Variants in ZNF804A observed in about 807,000 individuals in gnomAD.
The protein encoded by ZNF804A is zinc finger protein 804A.
In ZNF804A, 2 loss-of-function variants were observed where a neutral mutation model predicts 16.5. The ratio of observed to expected loss-of-function variants is 0.12; its 90% CI spans 0.05 to 0.38. The LOEUF is 0.38. Among genes scored for constraint, ZNF804A ranks in the 10% least tolerant of loss-of-function variants. The pLI is 0.99. For synonymous variants in ZNF804A, 534 were observed against 489.6 expected (o/e 1.09, Z -1.20); for missense variants, 1,473 against 1,390.7 (o/e 1.06, Z -0.94).
intron 2 of ZNF804A, among the ~76,000 whole-genome samples, chr2:184,871,794 A>T (rs930724142): frequency 6.6e-6 from 1 of 152,056 alleles, no homozygotes; most frequent in Non-Finnish European, 1.5e-5. Flanking sequence ...AGTTTAGTTT[A>T]CTAGGAGAAT....
intron 1 of ZNF804A, among the ~76,000 whole-genome samples, chr2:184,798,657 C>T (rs1253254204): frequency 1.3e-5 from 2 of 152,118 alleles, no homozygotes; most frequent in Non-Finnish European, 1.5e-5. Flanking sequence ...TTTTGGTTTT[C>T]CTTGCATTGG....
intron 1 of ZNF804A, among the ~76,000 whole-genome samples, chr2:184,645,217 G>A (rs886939516): frequency 1.3e-5 from 2 of 151,918 alleles, no homozygotes; most frequent in Admixed American, 6.6e-5. Flanking sequence ...CCATTTCAAC[G>A]TTTTGTCTTC....
intron 2 of ZNF804A, among the ~76,000 whole-genome samples, chr2:184,904,953 T>G (rs772720837): frequency 6.6e-6 from 1 of 152,210 alleles, no homozygotes; most frequent in South Asian, 2.1e-4. Context: ...GCAATTTAAA[T>G]TTTTCACTAC....
Position 184,937,553 on chromosome 2 carries a change from T to C in ZNF804A, c.2157T>C (p.Ser719=). Reference sequence around the variant, plus strand: ...CTGGGAAACATAATTTAACATATTCTAGAACTTACTGTTGTTGGAAAACCA... The same window carrying C: ...CTGGGAAACATAATTTAACATATTCCAGAACTTACTGTTGTTGGAAAACCA... The part of the protein sequence containing the change: ...IHSGKHNLTY[S]RTYCCWKTKM... Residue 719 remains serine, a synonymous_variant, in exon 4 of 4, where the codon TCT becomes TCC. Coordinates refer to ENST00000302277, the MANE Select transcript of ZNF804A (RefSeq NM_194250.2). The C allele has an allele frequency of 6.2e-7, 1 of 1,612,496 alleles. No homozygotes were observed. The highest frequency in any genetic ancestry group is 8.5e-7 in the Non-Finnish European group (1 of 1,179,566).
intron 1 of ZNF804A, among the ~76,000 whole-genome samples, chr2:184,823,333 T>G (rs564382255): frequency 6.6e-6 from 1 of 152,142 alleles, no homozygotes; most frequent in Non-Finnish European, 1.5e-5. Flanking sequence ...CAGTTCTTAA[T>G]ACTGTTATAT....
intron 1 of ZNF804A, among the ~76,000 whole-genome samples, chr2:184,791,753 A>G (rs915684558): frequency 6.6e-6 from 1 of 152,136 alleles, no homozygotes; most frequent in Non-Finnish European, 1.5e-5. Context: ...ATATTCTATG[A>G]GTTTTGACAA....
chr2:184,728,119 T>C (rs1693446344), intron 1 of ZNF804A, among the ~76,000 whole-genome samples: 1 of 151,256 alleles, frequency 6.6e-6, no homozygotes, highest in Admixed American at 6.6e-5. Context: ...GAAAATCTAT[T>C]AAAAAATGAA....
chr2:184,632,339 G>A (rs1014935842), intron 1 of ZNF804A, among the ~76,000 whole-genome samples: 14 of 151,924 alleles, frequency 9.2e-5, no homozygotes, highest in South Asian at 2.1e-4. Flanking sequence ...CCTTTAATGC[G>A]TACTTTGGCA....
chr2:184,600,713 A>T (rs1478994363), intron 1 of ZNF804A, among the ~76,000 whole-genome samples: 1 of 152,142 alleles, frequency 6.6e-6, no homozygotes, highest in Non-Finnish European at 1.5e-5. Flanking sequence ...AAAAAAAGTT[A>T]TTTTCCAAAC....
chr2:184,754,067 A>T (rs561241798), intron 1 of ZNF804A, among the ~76,000 whole-genome samples: 1 of 151,904 alleles, frequency 6.6e-6, no homozygotes, highest in Non-Finnish European at 1.5e-5. Context: ...AAAATTAAAT[A>T]TAGCATCCTA....
At chr2:184,640,710 A>G (rs1220144931) in intron 1 of ZNF804A, among the ~76,000 whole-genome samples, 1 of 152,218 alleles carries the variant, frequency 6.6e-6, no homozygotes, top group African/African-American at 2.4e-5. Flanking sequence ...TTTATTCATT[A>G]TATTAGAATA....
intron 1 of ZNF804A, among the ~76,000 whole-genome samples, chr2:184,806,209 A>G (rs1202443972): frequency 1.3e-5 from 2 of 151,994 alleles, no homozygotes; most frequent in Non-Finnish European, 2.9e-5. Context: ...TGAGTTCTCT[A>G]GAGCACTGCA....
At chr2:184,767,761 T>C in intron 1 of ZNF804A, among the ~76,000 whole-genome samples, 1 of 152,080 alleles carries the variant, frequency 6.6e-6, no homozygotes, top group East Asian at 1.9e-4. Context: ...GGTAAAAATG[T>C]AAGGAATTAC....
chr2:184,847,366 T>G (rs1391610458), intron 1 of ZNF804A, among the ~76,000 whole-genome samples: 1 of 152,080 alleles, frequency 6.6e-6, no homozygotes, highest in Non-Finnish European at 1.5e-5. Context: ...ATTGTGACTT[T>G]CTAACTCAAT....
intron 1 of ZNF804A, among the ~76,000 whole-genome samples, chr2:184,726,443 T>A (rs1459817054): frequency 2.0e-5 from 3 of 151,682 alleles, no homozygotes; most frequent in Admixed American, 6.6e-5. Context: ...AGGTATTGAA[T>A]TGAAATTTGG....
chr2:184,927,410 C>T (rs911107562), intron 2 of ZNF804A, among the ~76,000 whole-genome samples: 6 of 152,226 alleles, frequency 3.9e-5, no homozygotes, highest in African/African-American at 1.4e-4. Flanking sequence ...ATAAACACCC[C>T]TGTGGCCACC....
At chr2:184,897,231 T>A (rs560088206) in intron 2 of ZNF804A, among the ~76,000 whole-genome samples, 3 of 152,232 alleles carry the variant, frequency 2.0e-5, no homozygotes, top group Admixed American at 2.0e-4. Flanking sequence ...TCACATAATA[T>A]CAAGGGTACA....
intron 1 of ZNF804A, among the ~76,000 whole-genome samples, chr2:184,690,659 CT>C (rs1692712169): frequency 6.6e-6 from 1 of 152,002 alleles, no homozygotes; most frequent in Non-Finnish European, 1.5e-5. Flanking sequence ...GAAATATTTA[CT>C]GAATGTCACC....
intron 1 of ZNF804A, among the ~76,000 whole-genome samples, chr2:184,810,857 C>T (rs1211160609): frequency 6.6e-5 from 10 of 152,040 alleles, no homozygotes; most frequent in Admixed American, 5.9e-4. Flanking sequence ...GGATTTCCAC[C>T]AGAATAAGAG....
Sources: gnomAD v4.1 joint callset for allele counts (sites outside exome capture counted in the v4.1 genomes callset) on GRCh38, gnomAD v4.1.1 for gene constraint, MANE v1.5 for transcripts, NCBI Gene and HGNC (gene_info 2026-07-23, HGNC 2026-07-21) for gene names.